Variants in SLC9D1 observed in about 807,000 individuals in gnomAD.
The protein encoded by SLC9D1 is putative LAG1-interacting protein.
chr13:113,524,458 C>T, the SLC9D1 span, among the ~76,000 whole-genome samples: 1 of 152,190 alleles, frequency 6.6e-6, no homozygotes, highest in African/African-American at 2.4e-5. Context: ...CCTCAGCCTC[C>T]TGAGTAGCTG....
At chr13:113,539,427 GC>G in the SLC9D1 span, 3 of 1,613,602 alleles carry the variant, frequency 1.9e-6, no homozygotes, top group Non-Finnish European at 2.5e-6. The surrounding 1 kb of genome is among the most constrained non-coding windows in gnomAD (Gnocchi z 4.8). Flanking sequence ...TCCTCTCAGG[GC>G]CCCGTGGTCA....
chr13:113,524,174 GA>G, the SLC9D1 span: 2 of 456,454 alleles, frequency 4.4e-6, no homozygotes, highest in South Asian at 3.1e-5. Flanking sequence ...ATCAGTTGTT[GA>G]GGGAGATGGT....
chr13:113,497,045 C>T, the SLC9D1 span, among the ~76,000 whole-genome samples: 28,195 of 152,222 alleles, frequency 0.19, 3,452 homozygotes, highest in African/African-American at 0.35. Flanking sequence ...CGGTGACCTG[C>T]AGCTATACTA....
At chr13:113,538,301 T>G in the SLC9D1 span, among the ~76,000 whole-genome samples, 1 of 152,124 alleles carries the variant, frequency 6.6e-6, no homozygotes, top group African/African-American at 2.4e-5. Context: ...CCGTGGCACA[T>G]GTGCGTGTGT....
chr13:113,529,821 A>G, the SLC9D1 span: 1 of 152,188 alleles, frequency 6.6e-6, no homozygotes, highest in Non-Finnish European at 1.5e-5. Context: ...ATGGGGGTAC[A>G]ACAGTGTGAA....
the SLC9D1 span, among the ~76,000 whole-genome samples, chr13:113,513,946 G>GC: frequency 6.6e-6 from 1 of 152,342 alleles, no homozygotes; most frequent in African/African-American, 2.4e-5. Context: ...CTGAGATGGA[G>GC]CCGGGGGGTC....
the SLC9D1 span, among the ~76,000 whole-genome samples, chr13:113,526,486 A>T: frequency 6.6e-6 from 1 of 152,118 alleles, no homozygotes; most frequent in South Asian, 2.1e-4. Context: ...TGGGAGGCCA[A>T]GGCGGGAGGA....
chr13:113,516,073 C>T, the SLC9D1 span, among the ~76,000 whole-genome samples: 1 of 152,102 alleles, frequency 6.6e-6, no homozygotes, highest in African/African-American at 2.4e-5. Context: ...CCAATTTGGA[C>T]ACCAGCCTTG....
the SLC9D1 span, among the ~76,000 whole-genome samples, chr13:113,522,585 C>G: frequency 6.6e-6 from 1 of 152,136 alleles, no homozygotes; most frequent in African/African-American, 2.4e-5. Flanking sequence ...TGTGATCTAC[C>G]CACCTCGGCC....
the SLC9D1 span, chr13:113,496,128 G>C: frequency 3.7e-6 from 3 of 813,172 alleles, no homozygotes; most frequent in Non-Finnish European, 3.8e-6. Context: ...CAGCCCACAC[G>C]GAGCTGGGGA....
the SLC9D1 span, chr13:113,496,141 A>G: frequency 2.6e-4 from 197 of 749,726 alleles, 2 homozygotes; most frequent in African/African-American, 3.1e-3. Context: ...GCTGGGGAGC[A>G]GACAGGAAGG....
chr13:113,547,028 T>G, the SLC9D1 span: 3 of 439,768 alleles, frequency 6.8e-6, no homozygotes, highest in East Asian at 4.5e-5. Context: ...CTCTGTGTGT[T>G]TTGCTGTGTC....
At chr13:113,499,962 A>G in the SLC9D1 span, 1 of 1,492,468 alleles carries the variant, frequency 6.7e-7, no homozygotes, top group Non-Finnish European at 9.0e-7. Flanking sequence ...TTGCAGGTCA[A>G]GGGGGTCAAT....
the SLC9D1 span, among the ~76,000 whole-genome samples, chr13:113,540,516 G>C: frequency 6.6e-6 from 1 of 152,230 alleles, no homozygotes; most frequent in Non-Finnish European, 1.5e-5. Flanking sequence ...CCACATACGT[G>C]TTGTGTTGGC....
chr13:113,503,625 G>C, the SLC9D1 span: 1 of 1,389,734 alleles, frequency 7.2e-7, no homozygotes, highest in Non-Finnish European at 1.0e-6. Flanking sequence ...CAGCTAAGGA[G>C]CTTCACATCA....
At chr13:113,547,120 C>G in the SLC9D1 span, 1 of 599,420 alleles carries the variant, frequency 1.7e-6, no homozygotes, top group East Asian at 2.9e-5. Flanking sequence ...GGCTTTTCCC[C>G]GGTTCGCTCA....
chr13:113,537,831 G>T, the SLC9D1 span, among the ~76,000 whole-genome samples: 114 of 152,282 alleles, frequency 7.5e-4, 2 homozygotes, highest in East Asian at 0.018. Context: ...AATGCCATGC[G>T]TTGAAAAGAC....
At chr13:113,491,428 G>T in the SLC9D1 span, among the ~76,000 whole-genome samples, 4 of 141,218 alleles carry the variant, frequency 2.8e-5, no homozygotes. Flanking sequence ...CCTCCCTGGG[G>T]CTCCCCTCTC....
At chr13:113,546,141 C>T in the SLC9D1 span, among the ~76,000 whole-genome samples, 2 of 152,124 alleles carry the variant, frequency 1.3e-5, no homozygotes, top group African/African-American at 2.4e-5. This position sits in a 1 kb window ranked among gnomAD's most constrained non-coding sequence, Gnocchi z 7.1. Context: ...TCAGTTGTGC[C>T]GGCGTGGACA....
Sources: allele counts gnomAD v4.1 joint callset (sites outside exome capture counted in the v4.1 genomes callset), GRCh38; gene constraint gnomAD v4.1.1; non-coding constraint Gnocchi (gnomAD v3.1); transcripts MANE v1.5; gene names NCBI Gene and HGNC (gene_info 2026-07-23, HGNC 2026-07-21).